Variants in EFNA5 observed in about 807,000 individuals in gnomAD.
EFNA5 encodes ephrin-A5.
A neutral mutation model predicts 22.9 loss-of-function variants in EFNA5; 5 were observed. The observed-to-expected ratio is 0.22, with a 90% CI of 0.11 to 0.46. The LOEUF is 0.46. Among genes scored for constraint, EFNA5 ranks in the 20% least tolerant of loss-of-function variants. The probability of loss-of-function intolerance (pLI) is 0.99; values close to 1 mark genes in which losing one functional copy is unlikely to be tolerated. For synonymous variants in EFNA5, 113 were observed against 112.2 expected, an observed-to-expected ratio of 1.01 and a Z score of -0.04; for missense variants, 237 against 293.3, an observed-to-expected ratio of 0.81 and a Z score of 1.40.
chr5:107,499,781 C>T (rs748239498), intron 1 of EFNA5, among the ~76,000 whole-genome samples: 1 of 152,188 alleles, frequency 6.6e-6, no homozygotes, highest in Non-Finnish European at 1.5e-5. Context: ...TCCACCACTT[C>T]ATTGCACTAG....
At chr5:107,553,811 T>G (rs1748351719) in intron 1 of EFNA5, among the ~76,000 whole-genome samples, 1 of 152,120 alleles carries the variant, frequency 6.6e-6, no homozygotes, top group African/African-American at 2.4e-5. Flanking sequence ...TGGTCTAAAT[T>G]ATATACACAT....
intron 1 of EFNA5, among the ~76,000 whole-genome samples, chr5:107,542,370 A>G (rs919601200): frequency 1.3e-5 from 2 of 152,172 alleles, no homozygotes; most frequent in Admixed American, 6.5e-5. Context: ...TGTGGAAAAG[A>G]CAAGTACAGC....
At chr5:107,446,528 T>A (rs1321280214) in intron 1 of EFNA5, among the ~76,000 whole-genome samples, 1 of 152,058 alleles carries the variant, frequency 6.6e-6, no homozygotes, top group African/African-American at 2.4e-5. Context: ...GGCAGGCAGA[T>A]CACGAGATCA....
At chr5:107,441,344 C>T (rs1749251620) in intron 1 of EFNA5, among the ~76,000 whole-genome samples, 1 of 152,094 alleles carries the variant, frequency 6.6e-6, no homozygotes, top group Non-Finnish European at 1.5e-5. Context: ...AAAGAGTATA[C>T]CCACTCTTGG....
intron 1 of EFNA5, among the ~76,000 whole-genome samples, chr5:107,561,612 C>T (rs1361581388): frequency 6.6e-6 from 1 of 152,112 alleles, no homozygotes; most frequent in African/African-American, 2.4e-5. Context: ...TCGTGACCCG[C>T]CCACCTAAAC....
intron 1 of EFNA5, among the ~76,000 whole-genome samples, chr5:107,514,230 G>A (rs1747432293): frequency 6.6e-6 from 1 of 152,112 alleles, no homozygotes; most frequent in Non-Finnish European, 1.5e-5. Context: ...CAGAGAGACG[G>A]GGCTCCTCAT....
chr5:107,594,118 G>GT (rs1273763775), intron 1 of EFNA5, among the ~76,000 whole-genome samples: 2 of 152,058 alleles, frequency 1.3e-5, no homozygotes, highest in African/African-American at 4.8e-5. Flanking sequence ...TGTAACCTGG[G>GT]TATATCTACC....
At chr5:107,659,214 CTT>C (rs1490769718) in intron 1 of EFNA5, among the ~76,000 whole-genome samples, 1 of 152,060 alleles carries the variant, frequency 6.6e-6, no homozygotes, top group Non-Finnish European at 1.5e-5. Flanking sequence ...AGTGTGAAAA[CTT>C]TGGAAAAATA....
chr5:107,620,410 T>A (rs10050687), intron 1 of EFNA5, among the ~76,000 whole-genome samples: 11,812 of 152,278 alleles, frequency 0.078, 1,114 homozygotes, highest in African/African-American at 0.22. Flanking sequence ...AAAGTTAAGA[T>A]TCATTTCTCT....
In EFNA5 at chr5:107,482,858, CTCTCTCTCTCTCTATA is replaced by C. The variant is rs1408168430; in HGVS notation, c.126-55365_126-55350del. Reference sequence around the variant, plus strand: ...TCTCTCTCTCTCTCTCTCTCTCTCTCTCTCTCTCTCTCTATATATATATATATATATATATACATAC... The same window carrying C: ...TCTCTCTCTCTCTCTCTCTCTCTCTCTATATATATATATATATATACATAC... On this transcript the variant is annotated intron_variant, in intron 1 of 4. Coordinates refer to ENST00000333274, the MANE Select transcript of EFNA5 (RefSeq NM_001962.3). Among the ~76,000 whole-genome samples the C allele has an allele frequency of 8.6e-3, 787 of 91,472 alleles. 5 individuals are homozygous for C. Among genetic ancestry groups the C allele is most frequent in the African/African-American group, 0.024 (553 of 23,130 alleles). 60.0% of individuals were successfully genotyped at this position (91,472 alleles called of 152,430 possible).
chr5:107,538,091 A>G (rs555494063), intron 1 of EFNA5, among the ~76,000 whole-genome samples: 5 of 152,296 alleles, frequency 3.3e-5, no homozygotes, highest in African/African-American at 1.2e-4. Flanking sequence ...GGGGAAGCAG[A>G]AGCTCGATGT....
intron 1 of EFNA5, among the ~76,000 whole-genome samples, chr5:107,571,638 T>C (rs37443): frequency 0.58 from 87,748 of 151,752 alleles, 26,496 homozygotes; most frequent in African/African-American, 0.75. Context: ...CACTATCCTC[T>C]GGCTAGAAGG....
At chr5:107,581,714 C>T (rs900595168) in intron 1 of EFNA5, among the ~76,000 whole-genome samples, 1 of 152,152 alleles carries the variant, frequency 6.6e-6, no homozygotes, top group East Asian at 1.9e-4. Flanking sequence ...TGTACAGCTG[C>T]CTGCTTAGTG....
At chr5:107,627,269 A>G (rs569595764) in intron 1 of EFNA5, among the ~76,000 whole-genome samples, 6 of 152,206 alleles carry the variant, frequency 3.9e-5, no homozygotes, top group Non-Finnish European at 7.3e-5. Flanking sequence ...TTTTCTTCAC[A>G]TAGATATAAT....
chr5:107,616,725 T>C lies in EFNA5; in HGVS notation c.125+53764A>G, dbSNP rs1251487226. Among the ~76,000 whole-genome samples the C allele has an allele frequency of 2.0e-5, 3 of 152,180 alleles. No individual in the cohort carries two copies. The East Asian group carries it at 5.8e-4, about 29-fold the overall frequency. ...CAAGTATCTGAACAGTAGCTATATC[T>C]GGGCAGTTAGCTTCATCAGTAAAAA... On this transcript the variant is annotated intron_variant, in intron 1 of 4. Transcript: ENST00000333274.
intron 1 of EFNA5, among the ~76,000 whole-genome samples, chr5:107,518,555 C>G (rs1194143106): frequency 1.3e-5 from 2 of 148,986 alleles, no homozygotes; most frequent in African/African-American, 2.5e-5. Context: ...AATTAGTACC[C>G]ATTGGGAAGC....
At chr5:107,452,168 C>T (rs1340214256) in intron 1 of EFNA5, among the ~76,000 whole-genome samples, 1 of 151,952 alleles carries the variant, frequency 6.6e-6, no homozygotes, top group African/African-American at 2.4e-5. Context: ...ACATTGAGAA[C>T]ACATGGACAC....
intron 1 of EFNA5, among the ~76,000 whole-genome samples, chr5:107,615,571 G>A (rs1749896759): frequency 6.6e-6 from 1 of 152,142 alleles, no homozygotes; most frequent in Non-Finnish European, 1.5e-5. Flanking sequence ...CACAAGCAAT[G>A]AATTCAAAAA....
At chr5:107,636,705 G>A (rs1750379346) in intron 1 of EFNA5, among the ~76,000 whole-genome samples, 1 of 152,166 alleles carries the variant, frequency 6.6e-6, no homozygotes, top group African/African-American at 2.4e-5. Context: ...GATGGCATAA[G>A]CCACGTATCT....
Sources: gnomAD v4.1 joint callset for allele counts (sites outside exome capture counted in the v4.1 genomes callset) on GRCh38, gnomAD v4.1.1 for gene constraint, MANE v1.5 for transcripts, NCBI Gene and HGNC (gene_info 2026-07-23, HGNC 2026-07-21) for gene names.